Variants in SPIDR observed in about 807,000 individuals in gnomAD.
SPIDR encodes DNA repair-scaffolding protein.
A neutral mutation model predicts 104.6 loss-of-function variants in SPIDR; 93 were observed. That is an observed-to-expected ratio of 0.89 (90% CI 0.75 to 1.06). The LOEUF is 1.06. SPIDR is among the 50% of genes least tolerant of loss of function. The pLI is 0.00. For synonymous variants in SPIDR, 431 were observed against 416.9 expected (o/e 1.03, Z -0.41); for missense variants, 1,154 against 1,111.2 (o/e 1.04, Z -0.55).
chr8:47,677,389 T>A (rs1399009377), intron 11 of SPIDR, among the ~76,000 whole-genome samples: 1 of 152,214 alleles, frequency 6.6e-6, no homozygotes, highest in African/African-American at 2.4e-5. Flanking sequence ...GTATAGAAAC[T>A]ATAGCTAACA....
chr8:47,542,950 T>G (rs2154393109), intron 8 of SPIDR, among the ~76,000 whole-genome samples: 1 of 152,344 alleles, frequency 6.6e-6, no homozygotes, highest in South Asian at 2.1e-4. Context: ...GTTTGTAACC[T>G]TTTGAAATTG....
At chr8:47,493,073 G>A (rs2078992342) in intron 8 of SPIDR, among the ~76,000 whole-genome samples, 1 of 149,352 alleles carries the variant, frequency 6.7e-6, no homozygotes, top group Non-Finnish European at 1.5e-5. Context: ...GTGTGTGTGT[G>A]TGTGTTTAAA....
At chr8:47,494,232 C>G (rs879537793) in intron 8 of SPIDR, among the ~76,000 whole-genome samples, 26 of 151,984 alleles carry the variant, frequency 1.7e-4, no homozygotes, top group Non-Finnish European at 3.5e-4. Flanking sequence ...AAGTAATCCT[C>G]CTGCCTCAGC....
At chr8:47,355,322 AT>A (rs5891238) in intron 5 of SPIDR, among the ~76,000 whole-genome samples, 78 of 135,408 alleles carry the variant, frequency 5.8e-4, no homozygotes, top group South Asian at 1.1e-3. Context: ...GGAATGTGTG[AT>A]TTTTTTTTTT....
At chr8:47,572,444 A>G (rs1165583985) in intron 8 of SPIDR, among the ~76,000 whole-genome samples, 4 of 152,098 alleles carry the variant, frequency 2.6e-5, no homozygotes, top group African/African-American at 7.2e-5. Flanking sequence ...CGGGTGGATC[A>G]CAAGGTGAAA....
intron 11 of SPIDR, among the ~76,000 whole-genome samples, chr8:47,694,085 A>G (rs1159594799): frequency 2.6e-5 from 4 of 152,204 alleles, no homozygotes; most frequent in African/African-American, 9.7e-5. Flanking sequence ...TCGAGTGTGG[A>G]GCCACAGGAA....
In SPIDR at chr8:47,294,025, C is replaced by T; in HGVS notation, c.520C>T (p.Pro174Ser). The T allele has an allele frequency of 3.1e-6, 5 of 1,612,812 alleles. No homozygotes were observed. In the South Asian group the frequency reaches 3.3e-5, roughly 11 times the overall value. The change falls in exon 5 of 20, where the codon CCC (proline) becomes TCC (serine). Residue 174 changes from proline to serine, a missense_variant. Coordinates refer to ENST00000297423, the MANE Select transcript of SPIDR (RefSeq NM_001080394.4). ...LTSDEKLSELPKPSSIEILEY... is the reference protein window; with the variant it reads ...LTSDEKLSELSKPSSIEILEY... Reference sequence around the variant, plus strand: ...AAGTGATGAGAAGCTGTCGGAGCTTCCCAAGGTAAGAATGAAGTATTTCAA... The same window carrying T: ...AAGTGATGAGAAGCTGTCGGAGCTTTCCAAGGTAAGAATGAAGTATTTCAA...
intron 8 of SPIDR, among the ~76,000 whole-genome samples, chr8:47,542,688 C>T (rs963082348): frequency 6.6e-6 from 1 of 152,110 alleles, no homozygotes; most frequent in Non-Finnish European, 1.5e-5. Context: ...CAGAAAGATC[C>T]TATGTATCCT....
chr8:47,304,034 C>T (rs1280824320), intron 5 of SPIDR, among the ~76,000 whole-genome samples: 3 of 151,830 alleles, frequency 2.0e-5, no homozygotes, highest in Admixed American at 6.6e-5. Context: ...TAAGACTTTC[C>T]ATATTAAGTT....
chr8:47,667,972 C>T (rs1197303355), intron 10 of SPIDR: 1 of 151,506 alleles, frequency 6.6e-6, no homozygotes, highest in Non-Finnish European at 1.5e-5. Flanking sequence ...GGAAAAATCC[C>T]TAGAAAAATA....
chr8:47,581,703 A>C (rs983505950), intron 8 of SPIDR, among the ~76,000 whole-genome samples: 3 of 152,196 alleles, frequency 2.0e-5, no homozygotes, highest in South Asian at 2.1e-4. Flanking sequence ...TGACAACTTC[A>C]GTTCTCAATC....
At chr8:47,383,164 G>T (rs1286823265) in intron 5 of SPIDR, among the ~76,000 whole-genome samples, 5 of 152,306 alleles carry the variant, frequency 3.3e-5, no homozygotes, top group Middle Eastern at 3.4e-3. Context: ...TTGCCAAACA[G>T]CTGCTTTTCC....
chr8:47,414,416 T>C (rs1225724075), intron 7 of SPIDR, among the ~76,000 whole-genome samples: 1 of 152,212 alleles, frequency 6.6e-6, no homozygotes, highest in Admixed American at 6.5e-5. Flanking sequence ...TTCCTTACAA[T>C]ATCACTTCTT....
intron 8 of SPIDR, among the ~76,000 whole-genome samples, chr8:47,450,781 A>G (rs536658621): frequency 6.6e-6 from 1 of 152,208 alleles, no homozygotes; most frequent in Non-Finnish European, 1.5e-5. Context: ...CCATCCCTCT[A>G]TCGAAATAAC....
intron 3 of SPIDR, among the ~76,000 whole-genome samples, chr8:47,289,692 A>G (rs2039547633): frequency 1.3e-5 from 2 of 152,218 alleles, no homozygotes; most frequent in African/African-American, 4.8e-5. Context: ...ACTCTGGAGA[A>G]CAGTCTGGCA....
chr8:47,439,624 T>C (rs1292784120), intron 7 of SPIDR, among the ~76,000 whole-genome samples: 1 of 152,210 alleles, frequency 6.6e-6, no homozygotes, highest in East Asian at 1.9e-4. Context: ...ATTTCTGGGG[T>C]ATAGGCTATG....
chr8:47,691,368 G>A (rs1443892176), intron 11 of SPIDR, among the ~76,000 whole-genome samples: 1 of 151,542 alleles, frequency 6.6e-6, no homozygotes, highest in Admixed American at 6.6e-5. Flanking sequence ...CTTTGGAAAT[G>A]TTTCGTAAGT....
intron 9 of SPIDR, among the ~76,000 whole-genome samples, chr8:47,598,555 G>C (rs1001022726): frequency 6.6e-6 from 1 of 152,174 alleles, no homozygotes; most frequent in Admixed American, 6.5e-5. Flanking sequence ...TGAAGCATTT[G>C]TATTATCCCT....
At chr8:47,564,368 C>T (rs1279763134) in intron 8 of SPIDR, among the ~76,000 whole-genome samples, 4 of 152,016 alleles carry the variant, frequency 2.6e-5, no homozygotes, top group South Asian at 2.1e-4. Flanking sequence ...TGAGCCACCA[C>T]GCCCGACTTT....
Sources: allele counts gnomAD v4.1 joint callset (sites outside exome capture counted in the v4.1 genomes callset), GRCh38; gene constraint gnomAD v4.1.1; transcripts MANE v1.5; gene names NCBI Gene and HGNC (gene_info 2026-07-23, HGNC 2026-07-21).